RPS6KA2: variants seen among roughly 807,000 people sequenced by gnomAD.
RPS6KA2 encodes ribosomal protein S6 kinase alpha-2.
RPS6KA2 carries 42 observed loss-of-function variants against 91.8 expected under a neutral mutation model. The ratio of observed to expected loss-of-function variants is 0.46; its 90% CI spans 0.36 to 0.59. The LOEUF (loss-of-function observed/expected upper bound fraction) is 0.59, where lower values mean the gene tolerates loss of function less well. RPS6KA2 is among the 20% of genes least tolerant of loss of function. RPS6KA2 has a pLI of 0.00. For missense variants in RPS6KA2, 798 were observed against 978.5 expected (o/e 0.82, Z 2.46); for synonymous variants, 414 against 393.6 (o/e 1.05, Z -0.61).
chr6:166,806,403 G>A (rs1229348970), intron 2 of RPS6KA2, among the ~76,000 whole-genome samples: 1 of 152,072 alleles, frequency 6.6e-6, no homozygotes, highest in Non-Finnish European at 1.5e-5. Context: ...ACATACAGAG[G>A]GATCCTCAAA....
chr6:166,768,258 A>G (rs549156114), intron 2 of RPS6KA2, among the ~76,000 whole-genome samples: 11 of 152,326 alleles, frequency 7.2e-5, no homozygotes, highest in African/African-American at 2.4e-4. Flanking sequence ...CTCCCCTTGG[A>G]ACTGGAACCT....
At chr6:166,769,889 C>A (rs993955694) in intron 2 of RPS6KA2, among the ~76,000 whole-genome samples, 1 of 152,230 alleles carries the variant, frequency 6.6e-6, no homozygotes, top group Non-Finnish European at 1.5e-5. Context: ...CCCAGCAAGA[C>A]CCCTGTGGCA....
Position 166,418,443 on chromosome 6 carries a change from C to G in RPS6KA2, c.1821-101G>C. 1 of 852,960 alleles carries G rather than the reference C, an allele frequency of 1.2e-6. No individual in the cohort carries two copies. Among genetic ancestry groups the G allele is most frequent in the Non-Finnish European group, 2.0e-6 (1 of 506,494 alleles). The allele number at this position is 852,960 out of a possible 1,614,324, so 52.8% of individuals were successfully genotyped here. A position where few individuals can be genotyped will look rare whatever the true frequency, so the allele number is the denominator to read the frequency against. On this transcript the variant is annotated intron_variant, in intron 18 of 20. Transcript: ENST00000265678. This position sits in a 1 kb window ranked among gnomAD's most constrained non-coding sequence, Gnocchi z 4.9. ...CCCTTGGCTGTTCAAAGGAATAGCA[C>G]TTTGCTTCTCCCTCCTCTGCTCTGA...
chr6:166,424,645 C>A (rs1181339163), intron 16 of RPS6KA2, among the ~76,000 whole-genome samples: 2 of 152,160 alleles, frequency 1.3e-5, no homozygotes, highest in African/African-American at 2.4e-5. Context: ...AACTCCTGTG[C>A]CCCTCGCCTG....
At chr6:166,451,060 A>AGTGCCCTCT (rs1779895186) in intron 13 of RPS6KA2, 43 bp downstream of exon 13, 1 of 1,610,776 alleles carries the variant, frequency 6.2e-7, no homozygotes, top group African/African-American at 1.3e-5. Flanking sequence ...CCATCATCCA[A>AGTGCCCTCT]GTGCCCTCTT....
At chr6:166,477,920 G>A (rs961183534) in intron 10 of RPS6KA2, among the ~76,000 whole-genome samples, 11 of 152,204 alleles carry the variant, frequency 7.2e-5, no homozygotes, top group African/African-American at 2.4e-4. Flanking sequence ...AAAAAGGAAA[G>A]GAGAGGAAAC....
chr6:166,740,883 G>A (rs913546303), intron 2 of RPS6KA2, among the ~76,000 whole-genome samples: 2 of 152,256 alleles, frequency 1.3e-5, no homozygotes, highest in Non-Finnish European at 1.5e-5. Context: ...TGGGCAAAAC[G>A]TTTGAAATGT....
chr6:166,773,264 G>A (rs901542526), intron 2 of RPS6KA2, among the ~76,000 whole-genome samples: 3 of 152,350 alleles, frequency 2.0e-5, no homozygotes, highest in South Asian at 4.1e-4. Context: ...GAGGAGAGGG[G>A]GAAGAGGGGT....
chr6:166,534,258 C>A (rs2344711), intron 2 of RPS6KA2, among the ~76,000 whole-genome samples: 2,005 of 127,836 alleles, frequency 0.016, 1 homozygote, highest in Middle Eastern at 0.031. Context: ...AAAGAAAAAA[C>A]AAAAATTAGT....
At chr6:166,596,415 G>A (rs1785535727) in intron 1 of RPS6KA2, among the ~76,000 whole-genome samples, 1 of 152,178 alleles carries the variant, frequency 6.6e-6, no homozygotes, top group Non-Finnish European at 1.5e-5. Flanking sequence ...AGCTGCCAGT[G>A]AAGCTAGAAT....
intron 2 of RPS6KA2, among the ~76,000 whole-genome samples, chr6:166,766,625 A>G (rs2128605157): frequency 6.6e-6 from 1 of 152,328 alleles, no homozygotes; most frequent in South Asian, 2.1e-4. Flanking sequence ...GCTATCCCAA[A>G]AAGACATTTA....
intron 3 of RPS6KA2, among the ~76,000 whole-genome samples, chr6:166,523,938 C>T (rs1243428285): frequency 6.6e-6 from 1 of 152,184 alleles, no homozygotes; most frequent in East Asian, 1.9e-4. Context: ...GCTCTGCATT[C>T]CCAGTGCCTC....
chr6:166,816,537 A>G (rs1263747094), intron 2 of RPS6KA2, among the ~76,000 whole-genome samples: 1 of 151,886 alleles, frequency 6.6e-6, no homozygotes, highest in African/African-American at 2.4e-5. Context: ...CCTGGGTGAC[A>G]GAGCAAGACT....
At chr6:166,814,760 A>G (rs1779720171) in intron 2 of RPS6KA2, among the ~76,000 whole-genome samples, 1 of 152,212 alleles carries the variant, frequency 6.6e-6, no homozygotes, top group African/African-American at 2.4e-5. Context: ...TCCTTATGAG[A>G]ATTAAATGCC....
At chr6:166,628,186 G>A (rs1421652876), upstream of RPS6KA2, among the ~76,000 whole-genome samples, 1 of 152,266 alleles carries the variant, frequency 6.6e-6, no homozygotes, top group Non-Finnish European at 1.5e-5. Context: ...CGCCGCTCGG[G>A]ATCCGCCTTA....
chr6:166,469,567 C>G (rs1349181445), intron 11 of RPS6KA2, among the ~76,000 whole-genome samples: 1 of 152,074 alleles, frequency 6.6e-6, no homozygotes, highest in Non-Finnish European at 1.5e-5. Flanking sequence ...ACAGAAGCCT[C>G]GACTCTGATG....
intron 2 of RPS6KA2, among the ~76,000 whole-genome samples, chr6:166,810,354 A>G (rs845674): frequency 0.55 from 83,582 of 151,758 alleles, 23,679 homozygotes; most frequent in East Asian, 0.65. Context: ...TATAAGCAAC[A>G]GACTCGGGAG....
rs1441669237 is a variant in RPS6KA2 at position 166,437,254 on chromosome 6, G to A, written c.1333-4764C>T. Among the ~76,000 whole-genome samples the A allele has an allele frequency of 4.6e-5, 7 of 152,070 alleles. No homozygotes were observed. Among genetic ancestry groups the A allele is most frequent in the Non-Finnish European group, 7.4e-5 (5 of 68,026 alleles). ...CAGCGCACTTCTTCTCTATGGGGTC[G>A]GTTTCTTGGGGTTGACCGTGTTGGT... On this transcript the variant is annotated intron_variant, in intron 14 of 20. Coordinates refer to ENST00000265678, the MANE Select transcript of RPS6KA2 (RefSeq NM_021135.6). This position sits in a 1 kb window ranked among gnomAD's most constrained non-coding sequence, Gnocchi z 4.3.
intron 2 of RPS6KA2, among the ~76,000 whole-genome samples, chr6:166,820,675 C>G (rs887579275): frequency 2.0e-5 from 3 of 152,124 alleles, no homozygotes; most frequent in Non-Finnish European, 4.4e-5. Context: ...TCCCATAATT[C>G]CAATAAAAGC....
Sources: gnomAD v4.1 joint callset for allele counts (sites outside exome capture counted in the v4.1 genomes callset) on GRCh38, gnomAD v4.1.1 for gene constraint, Gnocchi (gnomAD v3.1) non-coding constraint, MANE v1.5 for transcripts, NCBI Gene and HGNC (gene_info 2026-07-23, HGNC 2026-07-21) for gene names.